NCALD: variants seen among roughly 807,000 people sequenced by gnomAD.
NCALD encodes the protein neurocalcin delta.
Under a neutral mutation model 18.6 loss-of-function variants are expected in NCALD, and 10 were observed. That is an observed-to-expected ratio of 0.54 (90% CI 0.33 to 0.91). NCALD has a LOEUF of 0.91. NCALD is among the 40% of genes least tolerant of loss of function. The pLI is 0.03. For synonymous variants in NCALD, 88 were observed against 87.4 expected, an observed-to-expected ratio of 1.01 and a Z score of -0.04; for missense variants, 184 against 247.6, an observed-to-expected ratio of 0.74 and a Z score of 1.72.
At chr8:101,862,592 C>T (rs964800602) in intron 4 of NCALD, among the ~76,000 whole-genome samples, 2 of 152,226 alleles carry the variant, frequency 1.3e-5, no homozygotes, top group African/African-American at 4.8e-5. Context: ...AGGAGGCACT[C>T]AATTTTAACT....
At chr8:101,802,116 A>G (rs560255872) in intron 4 of NCALD, among the ~76,000 whole-genome samples, 1 of 152,232 alleles carries the variant, frequency 6.6e-6, no homozygotes, top group South Asian at 2.1e-4. Context: ...TCTGTGTCAC[A>G]TCTGGGTAAT....
intron 4 of NCALD, among the ~76,000 whole-genome samples, chr8:101,884,165 C>G (rs1816589940): frequency 1.3e-5 from 2 of 152,154 alleles, no homozygotes; most frequent in South Asian, 4.1e-4. Context: ...CTTTCTTCTG[C>G]CCATCTCCAA....
At chr8:101,931,404 C>T (rs1038246092) in intron 2 of NCALD, among the ~76,000 whole-genome samples, 4 of 152,322 alleles carry the variant, frequency 2.6e-5, no homozygotes, top group South Asian at 2.1e-4. Context: ...ATCAGATATA[C>T]TGTGTATCTG....
chr8:101,705,513 T>G (rs1438632528), intron 2 of NCALD, among the ~76,000 whole-genome samples: 1 of 152,126 alleles, frequency 6.6e-6, no homozygotes, highest in African/African-American at 2.4e-5. Context: ...CCACTGCCTT[T>G]CTCGAGGTAA....
chr8:101,925,618 T>C (rs898161233), intron 2 of NCALD, among the ~76,000 whole-genome samples: 3 of 152,204 alleles, frequency 2.0e-5, no homozygotes, highest in Admixed American at 6.5e-5. Context: ...TAAATACATA[T>C]ATAACATCAA....
intron 4 of NCALD, among the ~76,000 whole-genome samples, chr8:101,799,806 G>A (rs556579141): frequency 6.6e-6 from 1 of 152,270 alleles, no homozygotes; most frequent in South Asian, 2.1e-4. Flanking sequence ...TGGCTATAAA[G>A]GGTGGCAAGT....
At chr8:101,853,248 A>C (rs1815170706) in intron 4 of NCALD, among the ~76,000 whole-genome samples, 2 of 152,230 alleles carry the variant, frequency 1.3e-5, no homozygotes, top group East Asian at 3.9e-4. Flanking sequence ...AAACATTTAA[A>C]ACAAAAGTTC....
At chr8:101,745,054 G>T (rs1395009122) in intron 1 of NCALD, among the ~76,000 whole-genome samples, 4 of 111,980 alleles carry the variant, frequency 3.6e-5, no homozygotes, top group Admixed American at 9.7e-5. Flanking sequence ...GGGTGGGGGG[G>T]ACTATTCATT....
At chr8:102,091,732 G>C (rs1672582624) in intron 1 of NCALD, among the ~76,000 whole-genome samples, 1 of 152,128 alleles carries the variant, frequency 6.6e-6, no homozygotes, top group Non-Finnish European at 1.5e-5. Flanking sequence ...TAATCTTCCA[G>C]ATATCACCTT....
chr8:101,855,737 A>G (rs973107767), intron 4 of NCALD, among the ~76,000 whole-genome samples: 9 of 152,180 alleles, frequency 5.9e-5, no homozygotes, highest in Non-Finnish European at 1.3e-4. Context: ...AGAAAGCATG[A>G]AACATAAGAC....
chr8:101,839,263 C>T (rs1814540691), intron 4 of NCALD, among the ~76,000 whole-genome samples: 1 of 151,878 alleles, frequency 6.6e-6, no homozygotes, highest in Non-Finnish European at 1.5e-5. Context: ...AGATCTAGAC[C>T]TTGGGGACAC....
intron 3 of NCALD, among the ~76,000 whole-genome samples, chr8:101,889,951 T>C (rs1195271813): frequency 6.6e-6 from 1 of 152,230 alleles, no homozygotes; most frequent in East Asian, 1.9e-4. Flanking sequence ...TTCTGATCTT[T>C]AAATGGGAGA....
At chr8:101,877,693 A>G (rs1352502645) in intron 4 of NCALD, among the ~76,000 whole-genome samples, 2 of 152,122 alleles carry the variant, frequency 1.3e-5, no homozygotes, top group Non-Finnish European at 2.9e-5. Flanking sequence ...TGACTATACA[A>G]TTTCCCATTT....
At chr8:102,083,213 G>C (rs62523041) in intron 1 of NCALD, among the ~76,000 whole-genome samples, 1 of 152,186 alleles carries the variant, frequency 6.6e-6, no homozygotes, top group Non-Finnish European at 1.5e-5. Flanking sequence ...CTCTGAAATT[G>C]TCTAATTAAA....
At chr8:101,696,638 C>T (rs953234843) in intron 2 of NCALD, among the ~76,000 whole-genome samples, 2 of 152,164 alleles carry the variant, frequency 1.3e-5, no homozygotes, top group East Asian at 1.9e-4. Context: ...ATTTCTCCAA[C>T]GAGCAACAAA....
At chr8:101,763,245 C>G (rs1189307031) in intron 1 of NCALD, among the ~76,000 whole-genome samples, 2 of 152,114 alleles carry the variant, frequency 1.3e-5, no homozygotes, top group Non-Finnish European at 2.9e-5. Flanking sequence ...ATATGGTGTT[C>G]TGGAACAGGG....
intron 1 of NCALD, among the ~76,000 whole-genome samples, chr8:102,043,695 G>A (rs1200231586): frequency 6.9e-6 from 1 of 144,800 alleles, no homozygotes; most frequent in Middle Eastern, 3.2e-3. Context: ...CGAGGAGGAG[G>A]AGGAAGAGAA....
At chr8:101,896,586 A>G (rs1358933961) in intron 3 of NCALD, among the ~76,000 whole-genome samples, 1 of 151,976 alleles carries the variant, frequency 6.6e-6, no homozygotes, top group Non-Finnish European at 1.5e-5. Flanking sequence ...GCAACCTACA[A>G]AATGGGAGAA....
At chr8:101,806,839 G>A (rs1813120068) in intron 4 of NCALD, among the ~76,000 whole-genome samples, 1 of 150,548 alleles carries the variant, frequency 6.6e-6, no homozygotes, top group Non-Finnish European at 1.5e-5. Flanking sequence ...AACACAAATA[G>A]ATCCACACCC....
Sources: allele counts gnomAD v4.1 joint callset (sites outside exome capture counted in the v4.1 genomes callset), GRCh38; gene constraint gnomAD v4.1.1; transcripts MANE v1.5; gene names NCBI Gene and HGNC (gene_info 2026-07-23, HGNC 2026-07-21).